KANSL1L: variants seen among roughly 807,000 people sequenced by gnomAD.
KANSL1L encodes the protein KAT8 regulatory NSL complex subunit 1 like.
A neutral mutation model predicts 108.6 loss-of-function variants in KANSL1L; 25 were observed. The observed-to-expected ratio is 0.23, with a 90% CI of 0.17 to 0.32. KANSL1L has a LOEUF of 0.32. Among genes scored for constraint, KANSL1L ranks in the 10% least tolerant of loss-of-function variants. KANSL1L has a pLI of 1.00. For missense variants in KANSL1L, 1,137 were observed against 1,125.7 expected (o/e 1.01, Z -0.14); for synonymous variants, 405 against 395.1 (o/e 1.03, Z -0.30).
rs770358462 is a variant in KANSL1L, at chr2:210,031,419, A to G, written c.2155+2T>C. ...ACTGCTTATATCCTCACTTTAACCT[A>G]CCTAATGCTGTTTCACTCAAATGTC... On this transcript the variant is annotated splice_donor_variant, in intron 9 of 14. Transcript: ENST00000281772. LOFTEE classifies it high-confidence loss of function. 1.9e-6 allele frequency: 3 copies of G among 1,589,794 alleles called. No homozygotes were observed. Among genetic ancestry groups the G allele is most frequent in the African/African-American group, 1.3e-5 (1 of 74,114 alleles).
chr2:210,107,379 G>A (rs1244282007), intron 3 of KANSL1L, among the ~76,000 whole-genome samples: 2 of 151,784 alleles, frequency 1.3e-5, no homozygotes, highest in African/African-American at 4.8e-5. Context: ...TTTTCTGAGG[G>A]TGAGAAGAAT....
intron 12 of KANSL1L, among the ~76,000 whole-genome samples, chr2:210,025,707 A>G (rs2093927241): frequency 6.6e-6 from 1 of 152,330 alleles, no homozygotes; most frequent in South Asian, 2.1e-4. Context: ...AAATTTTTTA[A>G]AAATTATTTC....
intron 11 of KANSL1L, 69 bp downstream of exon 11, chr2:210,028,776 C>T: frequency 8.6e-7 from 1 of 1,163,208 alleles, no homozygotes; most frequent in South Asian, 1.5e-5. Context: ...AATTAAAATT[C>T]TTCACTTTGA....
chr2:210,165,135 C>A (rs565845076), intron 1 of KANSL1L, among the ~76,000 whole-genome samples: 6 of 150,310 alleles, frequency 4.0e-5, no homozygotes, highest in Admixed American at 2.0e-4. Context: ...CATACTTTTA[C>A]GTTTTTACAA....
chr2:210,138,802 G>A (rs183004275), intron 2 of KANSL1L, among the ~76,000 whole-genome samples: 19 of 151,898 alleles, frequency 1.3e-4, no homozygotes, highest in African/African-American at 3.9e-4. Context: ...ATCATAAGTC[G>A]AAATGCATTG....
intron 2 of KANSL1L, 187 bp downstream of exon 2, chr2:210,153,308 T>C: frequency 2.0e-6 from 1 of 496,064 alleles, no homozygotes; most frequent in South Asian, 3.1e-5. Context: ...GAGCCAGGAT[T>C]GCACCACTAC....
At chr2:210,051,367 T>C (rs1236563208) in intron 6 of KANSL1L, among the ~76,000 whole-genome samples, 1 of 152,228 alleles carries the variant, frequency 6.6e-6, no homozygotes, top group Non-Finnish European at 1.5e-5. Flanking sequence ...TTTAAGTCTT[T>C]ATATCCTATA....
intron 3 of KANSL1L, among the ~76,000 whole-genome samples, chr2:210,121,766 G>A (rs549992919): frequency 3.1e-4 from 47 of 152,136 alleles, no homozygotes; most frequent in Non-Finnish European, 5.4e-4. Context: ...TTGTTTGCAC[G>A]TGATATGATC....
At chr2:210,028,036 G>A (rs189413074) in intron 11 of KANSL1L, among the ~76,000 whole-genome samples, 4 of 152,232 alleles carry the variant, frequency 2.6e-5, no homozygotes, top group African/African-American at 9.6e-5. Context: ...AGCCTTTTCT[G>A]TCTCTACTTC....
At chr2:210,157,081 T>G (rs2095337904) in intron 1 of KANSL1L, among the ~76,000 whole-genome samples, 1 of 152,110 alleles carries the variant, frequency 6.6e-6, no homozygotes, top group South Asian at 2.1e-4. Context: ...ATTAGGAAAT[T>G]TCTTCCAAGA....
rs1010729018 is a variant in KANSL1L, at chr2:210,023,095, C to T, written c.2818G>A (p.Val940Ile). 6.2e-7 allele frequency: 1 copy of T among 1,614,036 alleles called. No individual in the cohort carries two copies. Among genetic ancestry groups the T allele is most frequent in the Non-Finnish European group, 8.5e-7 (1 of 1,179,960 alleles). ...LLCQDEKKDQ[V>I]ERSSTAFHGE... ...TGGAAAGCTGTGCTTGACCTTTCAA[C>T]CTGATCCTTTTTTTCATCTTGACAT... Residue 940 changes from valine to isoleucine, a missense_variant, in exon 15 of 15, where the codon GTT (valine) becomes ATT (isoleucine). Transcript: ENST00000281772.
intron 12 of KANSL1L, among the ~76,000 whole-genome samples, chr2:210,025,984 G>A (rs1330268508): frequency 6.6e-6 from 1 of 152,142 alleles, no homozygotes; most frequent in Non-Finnish European, 1.5e-5. Flanking sequence ...CGTCCATTGT[G>A]GAGTACATAC....
intron 2 of KANSL1L, among the ~76,000 whole-genome samples, chr2:210,145,561 C>G (rs377599042): frequency 1.3e-5 from 2 of 152,184 alleles, no homozygotes; most frequent in Non-Finnish European, 2.9e-5. Flanking sequence ...TTCATAGACA[C>G]AGAAACCACA....
chr2:210,071,710 A>G (rs1228896504), intron 6 of KANSL1L, among the ~76,000 whole-genome samples: 4 of 152,192 alleles, frequency 2.6e-5, no homozygotes, highest in East Asian at 1.9e-4. Context: ...GAACGTCAAT[A>G]TAAGAGTTCT....
chr2:210,101,267 G>A (rs189095942), intron 4 of KANSL1L, among the ~76,000 whole-genome samples: 4 of 152,242 alleles, frequency 2.6e-5, no homozygotes, highest in Non-Finnish European at 5.9e-5. Flanking sequence ...GTGCTCTGCT[G>A]TCACTGTCTT....
intron 6 of KANSL1L, among the ~76,000 whole-genome samples, chr2:210,061,694 G>C (rs937460706): frequency 1.3e-5 from 2 of 152,108 alleles, no homozygotes; most frequent in African/African-American, 4.8e-5. Context: ...AAACTAAAGT[G>C]TACCAGTAAT....
chr2:210,162,781 G>C (rs1463404442), intron 1 of KANSL1L, among the ~76,000 whole-genome samples: 1 of 152,124 alleles, frequency 6.6e-6, no homozygotes, highest in African/African-American at 2.4e-5. Context: ...AACGTGTTTA[G>C]AAGTGTATAA....
chr2:210,086,514 A>C (rs1358916783), intron 5 of KANSL1L, among the ~76,000 whole-genome samples: 6 of 151,418 alleles, frequency 4.0e-5, no homozygotes, highest in Admixed American at 4.0e-4. Flanking sequence ...AACTCTTGAC[A>C]CTTTTCTAGG....
At chr2:210,148,239 A>G (rs1349300409) in intron 2 of KANSL1L, among the ~76,000 whole-genome samples, 1 of 152,108 alleles carries the variant, frequency 6.6e-6, no homozygotes, top group Non-Finnish European at 1.5e-5. Context: ...CTTTTCCACA[A>G]CCCTTGGAGA....
Sources: allele counts gnomAD v4.1 joint callset (sites outside exome capture counted in the v4.1 genomes callset), GRCh38; gene constraint gnomAD v4.1.1; transcripts MANE v1.5; gene names NCBI Gene and HGNC (gene_info 2026-07-23, HGNC 2026-07-21).